ANKRD44: variants seen among roughly 807,000 people sequenced by gnomAD.
ANKRD44 encodes ankyrin repeat domain 44.
Under a neutral mutation model 116.0 loss-of-function variants are expected in ANKRD44, and 35 were observed. That is an observed-to-expected ratio of 0.30 (90% confidence interval 0.23 to 0.40). The LOEUF (loss-of-function observed/expected upper bound fraction) is 0.40, where lower values mean the gene tolerates loss of function less well. ANKRD44 is among the 10% of genes least tolerant of loss of function. The pLI, the probability that ANKRD44 is intolerant of heterozygous loss-of-function variation, is 1.00. For missense variants in ANKRD44, 1,014 were observed against 1,242.6 expected (o/e 0.82, Z 2.77); for synonymous variants, 435 against 461.8 (o/e 0.94, Z 0.74).
chr2:197,139,831 G>A (rs1170056095), intron 3 of ANKRD44, among the ~76,000 whole-genome samples: 1 of 150,254 alleles, frequency 6.7e-6, no homozygotes, highest in Admixed American at 6.7e-5. Context: ...AATGGGGGAG[G>A]GGGGACTAAG....
intron 1 of ANKRD44, among the ~76,000 whole-genome samples, chr2:197,310,191 C>G (rs541039536): frequency 2.6e-5 from 4 of 152,106 alleles, no homozygotes; most frequent in Non-Finnish European, 5.9e-5. Context: ...TCTCCCTCTT[C>G]GTGCAGCGTC....
At chr2:197,104,125 T>G (rs989994307) in intron 9 of ANKRD44, among the ~76,000 whole-genome samples, 1 of 152,206 alleles carries the variant, frequency 6.6e-6, no homozygotes, top group East Asian at 1.9e-4. Context: ...TTTAGTAACT[T>G]TTTTCTTTTT....
In ANKRD44 at chr2:197,310,670, G is replaced by A. The variant is rs1457226353; in HGVS notation, c.-66C>T. 10 of 1,307,086 alleles carry A rather than the reference G, an allele frequency of 7.7e-6. No homozygotes were observed. The highest frequency in any genetic ancestry group is 9.9e-7 in the Non-Finnish European group (1 of 1,005,038). 81.0% of individuals were successfully genotyped at this position (1,307,086 alleles called of 1,614,324 possible). On this transcript the variant is annotated 5_prime_UTR_variant, in exon 1 of 28. Coordinates refer to ENST00000282272, the MANE Select transcript of ANKRD44 (RefSeq NM_001195144.2). ...CCCGCAGATGTCACGCCGGGAGCCG[G>A]GGAAGCGGAAGGGATTGCCAGGAGA...
chr2:197,085,275 G>A (rs1439964337), intron 13 of ANKRD44, among the ~76,000 whole-genome samples: 1 of 152,122 alleles, frequency 6.6e-6, no homozygotes, highest in Non-Finnish European at 1.5e-5. Flanking sequence ...TACTAGGTAA[G>A]AACCTCACGA....
At chr2:197,173,802 G>A (rs1465718893) in intron 2 of ANKRD44, among the ~76,000 whole-genome samples, 1 of 152,178 alleles carries the variant, frequency 6.6e-6, no homozygotes, top group Non-Finnish European at 1.5e-5. Flanking sequence ...GGAAGCCGAG[G>A]TGGGTGGATC....
intron 1 of ANKRD44, among the ~76,000 whole-genome samples, chr2:197,281,214 C>T (rs2083254636): frequency 6.6e-6 from 1 of 152,066 alleles, no homozygotes; most frequent in Non-Finnish European, 1.5e-5. Flanking sequence ...TGATCTTATA[C>T]CAAATGAACA....
chr2:196,970,406 G>C (rs977115703), intron 21 of ANKRD44, among the ~76,000 whole-genome samples: 22 of 152,140 alleles, frequency 1.4e-4, no homozygotes, highest in African/African-American at 5.3e-4. Flanking sequence ...GTTGAAGGAA[G>C]CTTTAAGCTG....
chr2:196,990,363 G>A (rs1397637197), intron 27 of ANKRD44: 2 of 1,026,016 alleles, frequency 1.9e-6, no homozygotes, highest in Non-Finnish European at 2.3e-6. Flanking sequence ...TATTCATAGC[G>A]AACAGCTGCC....
intron 4 of ANKRD44, among the ~76,000 whole-genome samples, chr2:197,130,657 A>G (rs1445534413): frequency 2.0e-5 from 3 of 152,200 alleles, no homozygotes; most frequent in Non-Finnish European, 4.4e-5. Context: ...TCCAGATATG[A>G]CCTATATTCT....
Position 196,998,997 on chromosome 2 carries a change from G to A in ANKRD44, c.2575C>T (p.Leu859=), listed in dbSNP as rs1240565725. 5 of 1,614,226 alleles carry A rather than the reference G, an allele frequency of 3.1e-6. No homozygotes were observed. The highest frequency in any genetic ancestry group is 2.5e-6 in the Non-Finnish European group (3 of 1,180,040). ...ADHVECLQLL[L]RHSAPVNAVD... ...GCGTTCACTGGAGCACTGTGTCTCA[G>A]AAGAAGCTGCAAGCACTCCACATGA... Residue 859 remains leucine (L), a synonymous_variant, in exon 24 of 28, where the codon CTG becomes TTG. Coordinates refer to ENST00000282272, the MANE Select transcript of ANKRD44 (RefSeq NM_001195144.2).
chr2:197,193,942 A>G (rs898125757), intron 1 of ANKRD44, among the ~76,000 whole-genome samples: 1 of 152,190 alleles, frequency 6.6e-6, no homozygotes, highest in African/African-American at 2.4e-5. Flanking sequence ...CAACACCCCC[A>G]GCACGGGGCC....
rs576243456 is a variant in ANKRD44 at position 197,026,031 on chromosome 2, G to T, written c.1651-764C>A. Among the ~76,000 whole-genome samples the T allele has an allele frequency of 2.1e-4, 18 of 84,834 alleles. No homozygotes were observed. The South Asian group carries it at 9.2e-3, about 43-fold the overall frequency. 55.7% of individuals were successfully genotyped at this position (84,834 alleles called of 152,430 possible). A position where few individuals can be genotyped will look rare whatever the true frequency, so the allele number is the denominator to read the frequency against. ...CCCTAGCAAGTAGACTCAGAGAAGGGGGAGATAAAAAGAAACAAAAAAAAA... is the reference window on the plus strand; with the variant it reads ...CCCTAGCAAGTAGACTCAGAGAAGGTGGAGATAAAAAGAAACAAAAAAAAA... On this transcript the variant is annotated intron_variant, in intron 16 of 27. Coordinates refer to ENST00000282272, the MANE Select transcript of ANKRD44 (RefSeq NM_001195144.2).
intron 16 of ANKRD44, among the ~76,000 whole-genome samples, chr2:197,062,466 A>G (rs1365131286): frequency 1.3e-5 from 2 of 152,224 alleles, no homozygotes; most frequent in Non-Finnish European, 2.9e-5. Context: ...AGTTTATAAA[A>G]TTGGATACCC....
chr2:197,003,772 G>A (rs1263785282), intron 21 of ANKRD44, among the ~76,000 whole-genome samples: 1 of 152,062 alleles, frequency 6.6e-6, no homozygotes, highest in African/African-American at 2.4e-5. Flanking sequence ...TCCTCTTGTA[G>A]GTTCTCCAGT....
At chr2:197,105,564 C>T (rs1389645490) in intron 9 of ANKRD44, among the ~76,000 whole-genome samples, 1 of 152,182 alleles carries the variant, frequency 6.6e-6, no homozygotes, top group Non-Finnish European at 1.5e-5. Flanking sequence ...GCTGAGGAGA[C>T]ACATTGGTGG....
intron 23 of ANKRD44, among the ~76,000 whole-genome samples, chr2:197,000,064 G>C (rs2076087269): frequency 6.6e-6 from 1 of 152,148 alleles, no homozygotes. Context: ...TTTTGGTATG[G>C]AAGGATCTCC....
chr2:197,056,399 G>C (rs1297516051), intron 16 of ANKRD44, among the ~76,000 whole-genome samples: 1 of 152,072 alleles, frequency 6.6e-6, no homozygotes, highest in Admixed American at 6.5e-5. Context: ...TATTGAAACA[G>C]AGTTACTTTT....
chr2:197,015,973 G>T (rs897882551), intron 17 of ANKRD44: 12 of 542,828 alleles, frequency 2.2e-5, no homozygotes, highest in Non-Finnish European at 4.4e-5. Flanking sequence ...TGGTGGTTGG[G>T]TCTGGTGGTG....
At chr2:196,972,058 G>A (rs963694915) in intron 21 of ANKRD44, among the ~76,000 whole-genome samples, 1 of 152,130 alleles carries the variant, frequency 6.6e-6, no homozygotes, top group African/African-American at 2.4e-5. Context: ...ATGCAGGCTG[G>A]GGGTTTGTAT....
Sources: gnomAD v4.1 joint callset for allele counts (sites outside exome capture counted in the v4.1 genomes callset) on GRCh38, gnomAD v4.1.1 for gene constraint, MANE v1.5 for transcripts, NCBI Gene and HGNC (gene_info 2026-07-23, HGNC 2026-07-21) for gene names.